Variants in PTPRN2 observed in about 807,000 individuals in gnomAD.
The protein encoded by PTPRN2 is receptor-type tyrosine-protein phosphatase N2.
Under a neutral mutation model 118.8 loss-of-function variants are expected in PTPRN2, and 74 were observed. The ratio of observed to expected loss-of-function variants is 0.62; its 90% CI spans 0.52 to 0.76. PTPRN2 has a LOEUF of 0.76. PTPRN2 is among the 30% of genes least tolerant of loss of function. The probability of loss-of-function intolerance (pLI) is 0.00; values close to 1 mark genes in which losing one functional copy is unlikely to be tolerated. For synonymous variants in PTPRN2, 641 were observed against 608.0 expected (o/e 1.05, Z -0.80); for missense variants, 1,481 against 1,394.4 (o/e 1.06, Z -0.99).
At chr7:158,449,349 G>A (rs7809822) in intron 2 of PTPRN2, among the ~76,000 whole-genome samples, 11,336 of 152,268 alleles carry the variant, frequency 0.074, 438 homozygotes, top group Middle Eastern at 0.092. Context: ...GGGCCCTCCC[G>A]GAGCAGCAGC....
chr7:157,605,410 C>T (rs12540318), intron 15 of PTPRN2, among the ~76,000 whole-genome samples: 27,085 of 152,228 alleles, frequency 0.18, 2,987 homozygotes, highest in African/African-American at 0.31. Flanking sequence ...GCTCCGGGAG[C>T]TCCCAGGTCT....
At position 157,651,852 on chromosome 7, in the gene PTPRN2, GT is replaced by G. The variant is rs534296451; in HGVS notation, c.2196+4504del. On this transcript the variant is annotated intron_variant, in intron 14 of 22. Transcript: ENST00000389418. ...AGCATCTCCGTGTTGCCTTTCGGCC[GT>G]TTCCAGAGAAATGTACCGGTTTCTT... Among the ~76,000 whole-genome samples, 22 of 152,296 alleles carry G rather than the reference GT, an allele frequency of 1.4e-4. No individual in the cohort carries two copies. The South Asian group carries it at 4.3e-3, about 30-fold the overall frequency.
intron 11 of PTPRN2, among the ~76,000 whole-genome samples, chr7:157,937,415 C>CG (rs1240753845): frequency 2.6e-5 from 4 of 152,212 alleles, no homozygotes; most frequent in Admixed American, 2.0e-4. Context: ...ATGAAAGGTG[C>CG]GGGAATAGGC....
At chr7:157,956,404 G>A (rs756603553) in intron 11 of PTPRN2, among the ~76,000 whole-genome samples, 3 of 152,190 alleles carry the variant, frequency 2.0e-5, no homozygotes, top group Non-Finnish European at 2.9e-5. Context: ...ACAAGGCTGC[G>A]AGCCAGTCCC....
chr7:158,431,897 G>A (rs1258900042), intron 2 of PTPRN2, among the ~76,000 whole-genome samples: 4 of 152,240 alleles, frequency 2.6e-5, no homozygotes, highest in Non-Finnish European at 5.9e-5. Context: ...ATGTTATCCG[G>A]GACCTGCTCG....
intron 12 of PTPRN2, among the ~76,000 whole-genome samples, chr7:157,773,180 A>G (rs1802990767): frequency 6.6e-6 from 1 of 152,184 alleles, no homozygotes; most frequent in Non-Finnish European, 1.5e-5. Context: ...AGACGGAGGC[A>G]GGGGTCCTCC....
intron 4 of PTPRN2, among the ~76,000 whole-genome samples, chr7:158,201,670 C>G (rs1826658306): frequency 6.6e-6 from 1 of 152,208 alleles, no homozygotes; most frequent in African/African-American, 2.4e-5. Context: ...TAACTGAGAG[C>G]TTCCTCTGCA....
chr7:158,464,015 A>G (rs62480034), intron 2 of PTPRN2, among the ~76,000 whole-genome samples: 233 of 13,956 alleles, frequency 0.017, 4 homozygotes, highest in Middle Eastern at 0.038. Flanking sequence ...CATCATCACC[A>G]TCATCATCCT....
chr7:157,705,066 G>GGA (rs957543189), intron 12 of PTPRN2, among the ~76,000 whole-genome samples: 1 of 152,184 alleles, frequency 6.6e-6, no homozygotes, highest in Admixed American at 6.5e-5. Context: ...CAGCACTTTG[G>GGA]GAGGCCCAGG....
chr7:158,242,628 T>C (rs1795965707), intron 3 of PTPRN2, among the ~76,000 whole-genome samples: 1 of 152,198 alleles, frequency 6.6e-6, no homozygotes. Flanking sequence ...TCTGGAAGTG[T>C]CTGGTAGGAT....
chr7:157,913,009 T>G (rs1305007889), intron 11 of PTPRN2, among the ~76,000 whole-genome samples: 2 of 152,362 alleles, frequency 1.3e-5, no homozygotes, highest in East Asian at 3.9e-4. Flanking sequence ...AAAATTTTAT[T>G]GAATCTAGAA....
chr7:158,304,212 A>G (rs577051006), intron 3 of PTPRN2, among the ~76,000 whole-genome samples: 99 of 150,590 alleles, frequency 6.6e-4, no homozygotes, highest in Non-Finnish European at 1.8e-4. Context: ...CCATCAATAC[A>G]CATAAGACGT....
chr7:157,568,230 T>C (rs566147985), intron 21 of PTPRN2, among the ~76,000 whole-genome samples: 43 of 152,280 alleles, frequency 2.8e-4, no homozygotes, highest in African/African-American at 9.1e-4. Flanking sequence ...GCCTCATGTC[T>C]AAGACTCCCC....
At chr7:158,026,888 GA>G (rs1315538188) in intron 11 of PTPRN2, among the ~76,000 whole-genome samples, 20 of 152,376 alleles carry the variant, frequency 1.3e-4, no homozygotes, top group African/African-American at 4.6e-4. Context: ...ACACAGCAGT[GA>G]TGGTCCAGCA....
intron 12 of PTPRN2, among the ~76,000 whole-genome samples, chr7:157,883,310 TGGA>T (rs1796259779): frequency 6.9e-6 from 1 of 145,302 alleles, no homozygotes; most frequent in African/African-American, 2.6e-5. Flanking sequence ...AAATGATTGT[TGGA>T]GATCAGAACA....
chr7:158,408,449 T>A (rs1813770118), intron 2 of PTPRN2, among the ~76,000 whole-genome samples: 1 of 152,324 alleles, frequency 6.6e-6, no homozygotes, highest in South Asian at 2.1e-4. Context: ...AAGAAAACCG[T>A]CACCACTGTG....
At chr7:157,846,372 C>T (rs1293290705) in intron 12 of PTPRN2, among the ~76,000 whole-genome samples, 2 of 152,120 alleles carry the variant, frequency 1.3e-5, no homozygotes, top group Non-Finnish European at 2.9e-5. Context: ...TGAGAGAACT[C>T]GGTATCATTA....
At chr7:158,327,776 C>G (rs1803773504) in intron 2 of PTPRN2, among the ~76,000 whole-genome samples, 1 of 152,164 alleles carries the variant, frequency 6.6e-6, no homozygotes, top group Admixed American at 6.5e-5. Context: ...GCCAAAGTAC[C>G]TTCAATCTGT....
chr7:158,074,665 C>G (rs932290864), intron 11 of PTPRN2, among the ~76,000 whole-genome samples: 1 of 152,062 alleles, frequency 6.6e-6, no homozygotes, highest in Non-Finnish European at 1.5e-5. Flanking sequence ...GGCTCTTCTC[C>G]CTGATCAGGG....
Sources: allele counts gnomAD v4.1 joint callset (sites outside exome capture counted in the v4.1 genomes callset), GRCh38; gene constraint gnomAD v4.1.1; transcripts MANE v1.5; gene names NCBI Gene and HGNC (gene_info 2026-07-23, HGNC 2026-07-21).